The following PAK3 variants were observed in gnomAD, a reference collection of about 807,000 sequenced individuals.
The protein encoded by PAK3 is serine/threonine-protein kinase PAK 3.
PAK3 carries 4 observed loss-of-function variants against 41.0 expected under a neutral mutation model. The ratio of observed to expected loss-of-function variants is 0.10; its 90% CI spans 0.05 to 0.22. PAK3 has a LOEUF of 0.22. PAK3 is among the 10% of genes least tolerant of loss of function. The pLI, the probability that PAK3 is intolerant of heterozygous loss-of-function variation, is 1.00. For synonymous variants in PAK3, 146 were observed against 139.6 expected (o/e 1.05, Z -0.32); for missense variants, 205 against 409.9 (o/e 0.50, Z 4.32).
At chrX:111,029,477 T>G (rs2092315373) in intron 1 of PAK3, among the ~76,000 whole-genome samples, 1 of 112,105 alleles carries the variant, frequency 8.9e-6, no homozygotes, top group Non-Finnish European at 1.9e-5. Flanking sequence ...GTTATATGCA[T>G]TATATACTGT....
intron 1 of PAK3, among the ~76,000 whole-genome samples, chrX:110,983,262 G>A (rs987527156): frequency 2.7e-5 from 3 of 111,127 alleles, no homozygotes; most frequent in Admixed American, 1.9e-4. Flanking sequence ...CACTTGGCTC[G>A]TTTTCTCAGC....
rs1335147796 is a variant in PAK3 at position 111,173,009 on chromosome X, A to C, written c.767-9A>C. Reference sequence around the variant, plus strand: ...CTCCTCTTTTCTTCTCTCCCCACCCATCTCTTAGGAAGCATTGTGAGTGTT... The same window carrying C: ...CTCCTCTTTTCTTCTCTCCCCACCCCTCTCTTAGGAAGCATTGTGAGTGTT... On this transcript the variant is annotated splice_polypyrimidine_tract_variant and intron_variant, in intron 10 of 17. Coordinates refer to ENST00000372007, the MANE Select transcript of PAK3 (RefSeq NM_002578.5). 6 of 1,053,669 alleles carry C rather than the reference A, an allele frequency of 5.7e-6. No homozygotes were observed. The East Asian group carries it at 1.8e-4, about 32-fold the overall frequency. The allele number at this position is 1,053,669 out of a possible 1,213,427, so 86.8% of individuals were successfully genotyped here.
intron 1 of PAK3, among the ~76,000 whole-genome samples, chrX:110,957,835 T>C (rs1261871466): frequency 1.8e-5 from 2 of 111,851 alleles, no homozygotes; most frequent in Non-Finnish European, 3.8e-5. Context: ...TACTATATAC[T>C]AGGTAATGTG....
chrX:110,958,219 A>G (rs1020748033), intron 1 of PAK3, among the ~76,000 whole-genome samples: 4 of 112,346 alleles, frequency 3.6e-5, no homozygotes, highest in African/African-American at 6.5e-5. Context: ...GTGATGCTCA[A>G]TGAGGTCGGA....
chrX:110,968,878 C>T (rs1054350412), intron 1 of PAK3, among the ~76,000 whole-genome samples: 8 of 109,806 alleles, frequency 7.3e-5, no homozygotes, highest in East Asian at 2.8e-4. Context: ...TTATACTTTT[C>T]GTGTCATGCC....
intron 1 of PAK3, among the ~76,000 whole-genome samples, chrX:111,097,036 C>T (rs935159434): frequency 3.7e-5 from 4 of 109,250 alleles, no homozygotes; most frequent in Non-Finnish European, 7.6e-5. Context: ...CTTTTCTTCT[C>T]CTGTGGGGAT....
rs2092084577 is a variant in PAK3, at chrX:111,016,016, T to C, written c.-28+71388T>C. On this transcript the variant is annotated intron_variant, in intron 1 of 14. Coordinates refer to the PAK3 transcript ENST00000425146. Reference sequence around the variant, plus strand: ...CTTTAGTGTTATTTTAATGTGTCTATATCCTGTCTTCTCACTGAAACTCAA... The same window carrying C: ...CTTTAGTGTTATTTTAATGTGTCTACATCCTGTCTTCTCACTGAAACTCAA... 4.5e-5 allele frequency among the ~76,000 whole-genome samples: 5 copies of C among 112,212 alleles called. No homozygotes were observed. In the Admixed American group the frequency reaches 4.7e-4, roughly 11 times the overall value.
chrX:111,146,587 A>T (rs753705536), intron 6 of PAK3: 1 of 1,026,605 alleles, frequency 9.7e-7, no homozygotes, highest in South Asian at 2.2e-5. Flanking sequence ...GCCCAAAAGA[A>T]GCTTGCATCA....
chrX:111,201,136 T>C (rs2094678196), intron 16 of PAK3, among the ~76,000 whole-genome samples: 1 of 112,514 alleles, frequency 8.9e-6, no homozygotes, highest in Non-Finnish European at 1.9e-5. Context: ...CATTACTCTC[T>C]GTATGTGTGA....
intron 11 of PAK3, among the ~76,000 whole-genome samples, chrX:111,189,317 T>C (rs1485558634): frequency 8.9e-6 from 1 of 111,949 alleles, no homozygotes; most frequent in Non-Finnish European, 1.9e-5. Flanking sequence ...CTTTATCCAA[T>C]CCAGCATTCA....
At chrX:111,153,015 G>A (rs1289816729) in intron 8 of PAK3, among the ~76,000 whole-genome samples, 2 of 111,625 alleles carry the variant, frequency 1.8e-5, no homozygotes, top group Non-Finnish European at 3.8e-5. Flanking sequence ...TAAGCTACTA[G>A]GAACATTCTT....
At chrX:110,962,704 A>C (rs1296108094) in intron 1 of PAK3, among the ~76,000 whole-genome samples, 1 of 112,821 alleles carries the variant, frequency 8.9e-6, no homozygotes, top group Non-Finnish European at 1.9e-5. Flanking sequence ...TAACTAGGAC[A>C]GCTGTGCTTT....
At chrX:111,151,151 A>G (rs971106060) in intron 7 of PAK3, among the ~76,000 whole-genome samples, 2 of 112,297 alleles carry the variant, frequency 1.8e-5, no homozygotes, top group South Asian at 3.7e-4. Context: ...GATCCTGGTG[A>G]TATATCAAAA....
Position 111,221,935 on chromosome X carries a change from T to C in PAK3, c.*1488T>C, listed in dbSNP as rs2094930044. On this transcript the variant is annotated 3_prime_UTR_variant, in exon 18 of 18. Coordinates refer to ENST00000372007, the MANE Select transcript of PAK3 (RefSeq NM_002578.5). The stretch of plus-strand genomic sequence containing the variant: ...CTTGGGGAAAATAACAAAATTTGAC[T>C]ACTATTTCACCATATATCTATTTAT... 8.9e-6 allele frequency: 1 copy of C among 112,278 alleles called. No individual in the cohort carries two copies. The highest frequency in any genetic ancestry group is 1.9e-5 in the Non-Finnish European group (1 of 53,183). 9.3% of individuals were successfully genotyped at this position (112,278 alleles called of 1,213,427 possible).
chrX:111,128,394 T>C (rs2093676138), intron 5 of PAK3, among the ~76,000 whole-genome samples: 1 of 112,144 alleles, frequency 8.9e-6, no homozygotes, highest in African/African-American at 3.2e-5. Flanking sequence ...GGAAGTTTCC[T>C]ACCATTTACT....
chrX:111,057,758 G>A (rs1328963595), intron 1 of PAK3, among the ~76,000 whole-genome samples: 2 of 111,154 alleles, frequency 1.8e-5, no homozygotes, highest in African/African-American at 6.5e-5. Flanking sequence ...ACTAGATTGT[G>A]CAACCATCAT....
intron 1 of PAK3, among the ~76,000 whole-genome samples, chrX:110,976,362 C>A (rs2091329821): frequency 8.9e-6 from 1 of 112,358 alleles, no homozygotes; most frequent in Non-Finnish European, 1.9e-5. Context: ...TGAAAAAATG[C>A]TCATCATCAC....
intron 1 of PAK3, among the ~76,000 whole-genome samples, chrX:110,974,745 CA>C (rs1300296242): frequency 1.8e-5 from 2 of 111,827 alleles, no homozygotes; most frequent in African/African-American, 6.5e-5. Flanking sequence ...AGCAGCACAT[CA>C]AAAAGCTTAT....
At chrX:110,960,377 A>T (rs907228970) in intron 1 of PAK3, among the ~76,000 whole-genome samples, 1 of 112,162 alleles carries the variant, frequency 8.9e-6, no homozygotes. Flanking sequence ...AATTTTAAAT[A>T]TAAGGGAATA....
Sources: gnomAD v4.1 joint callset for allele counts (sites outside exome capture counted in the v4.1 genomes callset) on GRCh38, gnomAD v4.1.1 for gene constraint, MANE v1.5 for transcripts, NCBI Gene and HGNC (gene_info 2026-07-23, HGNC 2026-07-21) for gene names.